The following HP1BP3 variants were observed in gnomAD, a reference collection of about 807,000 sequenced individuals.
HP1BP3 encodes heterochromatin protein 1-binding protein 3.
In HP1BP3, 12 loss-of-function variants were observed where a neutral mutation model predicts 62.5. The ratio of observed to expected loss-of-function variants is 0.19; its 90% CI spans 0.12 to 0.31. The LOEUF (loss-of-function observed/expected upper bound fraction) is 0.31. Among genes scored for constraint, HP1BP3 ranks in the 10% least tolerant of loss-of-function variants. The probability of loss-of-function intolerance (pLI) is 1.00; values close to 1 mark genes in which losing one functional copy is unlikely to be tolerated. For missense variants in HP1BP3, 502 were observed against 651.8 expected (o/e 0.77, Z 2.50); for synonymous variants, 260 against 237.8 (o/e 1.09, Z -0.86).
At chr1:20,749,531 T>C (rs1409343838) in intron 10 of HP1BP3, among the ~76,000 whole-genome samples, 192 bp downstream of exon 10, 2 of 151,948 alleles carry the variant, frequency 1.3e-5, no homozygotes, top group African/African-American at 2.4e-5. Flanking sequence ...GCTAATTTTT[T>C]TGTATTTGTA....
intron 1 of HP1BP3, among the ~76,000 whole-genome samples, chr1:20,784,476 CTTTTTTT>C (rs368306686): frequency 1.3e-4 from 16 of 124,508 alleles, no homozygotes; most frequent in African/African-American, 4.5e-4. Context: ...TGTGTTTTCC[CTTTTTTT>C]TTTTTTTTTT....
intron 8 of HP1BP3, among the ~76,000 whole-genome samples, chr1:20,761,062 G>A (rs1216898644): frequency 6.6e-6 from 1 of 151,916 alleles, no homozygotes; most frequent in East Asian, 1.9e-4. Context: ...TTATTTATTT[G>A]GAGACGGAGC....
chr1:20,775,078 C>T (rs1557668579), intron 4 of HP1BP3: 1 of 151,440 alleles, frequency 6.6e-6, no homozygotes. Flanking sequence ...CTATACTATA[C>T]TTTTTATCAT....
chr1:20,761,479 G>A (rs1412227650), intron 8 of HP1BP3, among the ~76,000 whole-genome samples: 3 of 152,156 alleles, frequency 2.0e-5, no homozygotes, highest in Non-Finnish European at 4.4e-5. Flanking sequence ...GTCATGAACT[G>A]AAATGAAGAT....
At chr1:20,780,650 GGTAA>G (rs1570678061) in intron 1 of HP1BP3, 110 bp from the exon 2 acceptor site, 1 of 555,368 alleles carries the variant, frequency 1.8e-6, no homozygotes, top group South Asian at 2.7e-5. Context: ...AAAATTTATA[GGTAA>G]GTGACAGATG....
At chr1:20,756,095 G>T (rs1006865699) in intron 9 of HP1BP3, among the ~76,000 whole-genome samples, 4 of 152,120 alleles carry the variant, frequency 2.6e-5, no homozygotes, top group African/African-American at 9.7e-5. Flanking sequence ...TAAAGTTACT[G>T]AAAATCACTG....
At chr1:20,780,000 G>C (rs2057471596) in intron 2 of HP1BP3, 89 bp from the exon 3 acceptor site, 2 of 965,472 alleles carry the variant, frequency 2.1e-6, no homozygotes, top group African/African-American at 3.3e-5. Flanking sequence ...GTCAGATGTA[G>C]GAGAATTCTT....
intron 6 of HP1BP3, among the ~76,000 whole-genome samples, chr1:20,768,902 T>C (rs532359779): frequency 7.6e-4 from 115 of 152,288 alleles, no homozygotes; most frequent in Non-Finnish European, 1.4e-3. Flanking sequence ...AATGCAGCAA[T>C]CAAGCTGGAA....
At chr1:20,772,315 G>A (rs922911169) in intron 5 of HP1BP3, among the ~76,000 whole-genome samples, 1 of 152,146 alleles carries the variant, frequency 6.6e-6, no homozygotes, top group Non-Finnish European at 1.5e-5. Flanking sequence ...CATTCTTTAA[G>A]CCAAATTGAT....
At chr1:20,776,060 A>T in intron 4 of HP1BP3, 8 of 1,412,730 alleles carry the variant, frequency 5.7e-6, no homozygotes, top group Non-Finnish European at 7.6e-6. Flanking sequence ...CCATCACTTT[A>T]TATAGATACA....
At chr1:20,768,975 A>AT (rs979804326) in intron 6 of HP1BP3, among the ~76,000 whole-genome samples, 109 of 152,342 alleles carry the variant, frequency 7.2e-4, no homozygotes, top group African/African-American at 2.3e-3. Context: ...TATGTAGGCT[A>AT]GAGCAGGTCA....
At chr1:20,785,882 CA>C (rs1214817156) in intron 1 of HP1BP3, among the ~76,000 whole-genome samples, 1 of 152,162 alleles carries the variant, frequency 6.6e-6, no homozygotes, top group African/African-American at 2.4e-5. Flanking sequence ...TCAGGTTAAA[CA>C]AAATTAGAGC....
Position 20,740,997 on chromosome 1 carries a change from G to A in HP1BP3, c.*3800C>T, listed in dbSNP as rs2055069570. ...CTGCTTCCTTGGCTTTGGCTCTGCAGAAGTGAGTGACCATCTGTTCCACCA... is the reference window on the plus strand; with the variant it reads ...CTGCTTCCTTGGCTTTGGCTCTGCAAAAGTGAGTGACCATCTGTTCCACCA... On this transcript the variant is annotated 3_prime_UTR_variant, in exon 13 of 13. Transcript: ENST00000438032. 6.6e-6 allele frequency among the ~76,000 whole-genome samples: 1 copy of A among 152,210 alleles called. No individual in the cohort carries two copies. Among genetic ancestry groups the A allele is most frequent in the South Asian group, 2.1e-4 (1 of 4,838 alleles).
intron 10 of HP1BP3, among the ~76,000 whole-genome samples, chr1:20,748,655 G>C (rs112246416): frequency 6.6e-6 from 1 of 152,098 alleles, no homozygotes; most frequent in African/African-American, 2.4e-5. Context: ...AGCTACTCAG[G>C]GGGTGGAGGT....
chr1:20,765,284 C>G, intron 8 of HP1BP3, 93 bp downstream of exon 8: 1 of 757,960 alleles, frequency 1.3e-6, no homozygotes, highest in Non-Finnish European at 2.0e-6. Context: ...GAAAGTAATC[C>G]TTCCTCAGTA....
intron 8 of HP1BP3, among the ~76,000 whole-genome samples, chr1:20,758,038 C>G (rs1199987794): frequency 6.6e-6 from 1 of 151,970 alleles, no homozygotes; most frequent in Non-Finnish European, 1.5e-5. Flanking sequence ...CCCAGCTACT[C>G]AGGAGGCTGA....
At chr1:20,755,438 G>A in intron 9 of HP1BP3, 1 of 444,304 alleles carries the variant, frequency 2.3e-6, no homozygotes, top group Non-Finnish European at 4.5e-6. Flanking sequence ...CAGGCATGGT[G>A]GTGGTGCACG....
chr1:20,751,622 T>G (rs1570563679), intron 9 of HP1BP3, among the ~76,000 whole-genome samples: 1 of 150,424 alleles, frequency 6.6e-6, no homozygotes, highest in Non-Finnish European at 1.5e-5. Flanking sequence ...CATGAAAGGG[T>G]GAGGGGGGAG....
chr1:20,776,219 C>A, intron 4 of HP1BP3: 1 of 459,802 alleles, frequency 2.2e-6, no homozygotes, highest in Non-Finnish European at 3.8e-6. Flanking sequence ...CAACCCACTC[C>A]TGGCACAGAA....
Sources: gnomAD v4.1 joint callset for allele counts (sites outside exome capture counted in the v4.1 genomes callset) on GRCh38, gnomAD v4.1.1 for gene constraint, MANE v1.5 for transcripts, NCBI Gene and HGNC (gene_info 2026-07-23, HGNC 2026-07-21) for gene names.